The following EBF4 variants were observed in gnomAD, a reference collection of about 807,000 sequenced individuals.
The protein encoded by EBF4 is EBF transcription factor 4, also known as transcription factor COE4.
A neutral mutation model predicts 67.1 loss-of-function variants in EBF4; 34 were observed. That is an observed-to-expected ratio of 0.51 (90% CI 0.39 to 0.67). The LOEUF (loss-of-function observed/expected upper bound fraction) is 0.67. Among genes scored for constraint, EBF4 ranks in the 30% least tolerant of loss-of-function variants. EBF4 has a pLI of 0.00. For synonymous variants in EBF4, 387 were observed against 377.7 expected, an observed-to-expected ratio of 1.02 and a Z score of -0.29; for missense variants, 837 against 873.3, an observed-to-expected ratio of 0.96 and a Z score of 0.52.
exon 2 of EBF4, chr20:2,705,579 G>A (rs1275575461): frequency 6.4e-7 from 1 of 1,551,712 alleles, no homozygotes; most frequent in Non-Finnish European, 8.7e-7. Context: ...TCCCACAGTG[G>A]CGTGGGTCTG....
chr20:2,709,530 C>T (rs1167008448), intron 5 of EBF4, 44 bp from the exon 6 acceptor site: 2 of 1,524,564 alleles, frequency 1.3e-6, no homozygotes, highest in Non-Finnish European at 1.8e-6. Context: ...TGGCCCCCTC[C>T]TTCCTTGGCT....
At position 2,696,516 on chromosome 20, in the gene EBF4, C is replaced by A. The variant is rs1375466898; in HGVS notation, c.137+2734C>A. On this transcript the variant is annotated intron_variant, in intron 1 of 16. Coordinates refer to ENST00000609451, the Ensembl canonical transcript of EBF4. This position sits in a 1 kb window ranked among gnomAD's most constrained non-coding sequence, Gnocchi z 4.7. ...AATAAAATAAAATAAAATAAAGTGA[C>A]CAACCCCCAAGCCCCACTGCTTCCT... 1.3e-5 allele frequency among the ~76,000 whole-genome samples: 2 copies of A among 152,034 alleles called. No homozygotes were observed. The highest frequency in any genetic ancestry group is 6.6e-5 in the Admixed American group (1 of 15,254).
chr20:2,706,772 T>C (rs1282605977), intron 4 of EBF4, among the ~76,000 whole-genome samples: 2 of 152,178 alleles, frequency 1.3e-5, no homozygotes, highest in South Asian at 2.1e-4. Flanking sequence ...AGAGCAGTTC[T>C]CAGGAGGAAG....
chr20:2,695,123 T>A (rs2087268917), intron 1 of EBF4, among the ~76,000 whole-genome samples: 2 of 145,782 alleles, frequency 1.4e-5, no homozygotes, highest in African/African-American at 5.0e-5. Context: ...TGGTTCTGGC[T>A]TTTTTTTTTT....
chr20:2,753,585 G>A (rs983355018), intron 14 of EBF4, among the ~76,000 whole-genome samples: 8 of 152,256 alleles, frequency 5.3e-5, no homozygotes, highest in African/African-American at 1.7e-4. Flanking sequence ...AGTCCCAGGC[G>A]ACTCTGCCGA....
At chr20:2,748,630 G>A (rs1053803784) in exon 7 of EBF4, 108 of 1,551,428 alleles carry the variant, frequency 7.0e-5, no homozygotes, top group Admixed American at 2.4e-4. Flanking sequence ...GCCGCTTCCA[G>A]GTGGGTCTGG....
At chr20:2,698,246 A>G (rs1454327202) in intron 1 of EBF4, among the ~76,000 whole-genome samples, 5 of 152,294 alleles carry the variant, frequency 3.3e-5, no homozygotes, top group Admixed American at 2.6e-4. Context: ...CAGTGGGAAG[A>G]GGGGATAGGG....
At position 2,706,372 on chromosome 20, in the gene EBF4, T is replaced by TCCGTC. The variant is rs1180090782; in HGVS notation, c.414+111_414+115dup. 22 of 1,290,370 alleles carry TCCGTC rather than the reference T, an allele frequency of 1.7e-5. No homozygotes were observed. The Admixed American group carries it at 3.8e-4, about 22-fold the overall frequency. The allele number at this position is 1,290,370 out of a possible 1,614,324, so 79.9% of individuals were successfully genotyped here. On this transcript the variant is annotated intron_variant, in intron 4 of 16. Coordinates refer to ENST00000609451, the Ensembl canonical transcript of EBF4. ...TTCCTGCCCTCATCTCCCTATGCCCTCCGTCCCCATCAGCCTAGCTCCCCC... is the reference window on the plus strand; with the variant it reads ...TTCCTGCCCTCATCTCCCTATGCCCTCCGTCCCGTCCCCATCAGCCTAGCTCCCCC...
Position 2,710,804 on chromosome 20 carries a change from T to C in EBF4, c.557+1162T>C, listed in dbSNP as rs113877956. ...GATAGTCTGTGCATATACAACAAAA[T>C]AGTTATATGTTCTTTTTGTACCCTT... On this transcript the variant is annotated intron_variant, in intron 6 of 16. Coordinates refer to ENST00000609451, the Ensembl canonical transcript of EBF4. 1.8e-3 allele frequency among the ~76,000 whole-genome samples: 280 copies of C among 152,234 alleles called. 1 individual carries two copies. Among genetic ancestry groups the C allele is most frequent in the African/African-American group, 6.5e-3 (271 of 41,516 alleles).
intron 1 of EBF4, 128 bp from the exon 2 acceptor site, chr20:2,705,449 G>A (rs1195842732): frequency 1.3e-5 from 17 of 1,348,906 alleles, no homozygotes; most frequent in Non-Finnish European, 1.6e-5. Flanking sequence ...TGTCTAGTTG[G>A]ATTTTTTGCC....
chr20:2,704,408 G>C (rs1462517731), intron 1 of EBF4, among the ~76,000 whole-genome samples: 1 of 152,216 alleles, frequency 6.6e-6, no homozygotes, highest in Non-Finnish European at 1.5e-5. Flanking sequence ...GCTCAGAGAA[G>C]AGAATCTAAC....
chr20:2,697,507 T>C (rs1266120988), intron 1 of EBF4, among the ~76,000 whole-genome samples: 2 of 149,668 alleles, frequency 1.3e-5, no homozygotes, highest in African/African-American at 2.5e-5. Context: ...ATCGCGCCAC[T>C]GCACTCCAGC....
At chr20:2,710,320 T>C (rs1413854728) in intron 6 of EBF4, among the ~76,000 whole-genome samples, 1 of 152,048 alleles carries the variant, frequency 6.6e-6, no homozygotes, top group Non-Finnish European at 1.5e-5. Flanking sequence ...GGCTAATTTT[T>C]TGTATTTTTT....
chr20:2,749,954 C>T (rs1317168571), exon 10 of EBF4: 4 of 1,550,970 alleles, frequency 2.6e-6, no homozygotes, highest in Admixed American at 2.0e-5. Context: ...AGGGATGCCC[C>T]GGCCGCTTTG....
chr20:2,736,275 G>A (rs1050911891), intron 6 of EBF4, among the ~76,000 whole-genome samples: 1 of 152,080 alleles, frequency 6.6e-6, no homozygotes, highest in Admixed American at 6.6e-5. Context: ...GCATTTAATT[G>A]TGCCTGCTGC....
chr20:2,697,987 A>G (rs924791924), intron 1 of EBF4, among the ~76,000 whole-genome samples: 1 of 152,190 alleles, frequency 6.6e-6, no homozygotes, highest in African/African-American at 2.4e-5. Flanking sequence ...CTGCTAGGAA[A>G]TGCTTTTGTT....
Position 2,693,877 on chromosome 20 carries a change from G to A in EBF4, c.137+95G>A. On this transcript the variant is annotated intron_variant, in intron 1 of 16. Transcript: ENST00000609451. The surrounding 1 kb of genome is among the most constrained non-coding windows in gnomAD (Gnocchi z 4.6). The stretch of plus-strand genomic sequence containing the variant: ...GAGCTGCTGGAGCCAGGGGCGGAAG[G>A]AGCCCTAACTCTGGACGGTCCCGGC... 3 of 1,247,434 alleles carry A rather than the reference G, an allele frequency of 2.4e-6. No homozygotes were observed. The highest frequency in any genetic ancestry group is 2.0e-6 in the Non-Finnish European group (2 of 993,552). The allele number at this position is 1,247,434 out of a possible 1,614,324, so 77.3% of individuals were successfully genotyped here.
At chr20:2,720,384 C>A (rs60369378) in intron 6 of EBF4, among the ~76,000 whole-genome samples, 15,688 of 152,200 alleles carry the variant, frequency 0.1, 888 homozygotes, top group Admixed American at 0.14. Context: ...GTGTGAGCCA[C>A]CGCCCCCGGC....
At chr20:2,757,206 C>T (rs113886792) in intron 15 of EBF4, among the ~76,000 whole-genome samples, 7,501 of 152,146 alleles carry the variant, frequency 0.049, 644 homozygotes, top group African/African-American at 0.17. Flanking sequence ...AGTCCGGGGA[C>T]GCTGGAAAGA....
Sources: allele counts gnomAD v4.1 joint callset (sites outside exome capture counted in the v4.1 genomes callset), GRCh38; gene constraint gnomAD v4.1.1; non-coding constraint Gnocchi (gnomAD v3.1); transcripts MANE v1.5; gene names NCBI Gene and HGNC (gene_info 2026-07-23, HGNC 2026-07-21).